IL16: variants seen among roughly 807,000 people sequenced by gnomAD.
IL16 encodes pro-interleukin-16.
IL16 carries 67 observed loss-of-function variants against 110.1 expected under a neutral mutation model. That is an observed-to-expected ratio of 0.61 (90% CI 0.50 to 0.75). IL16 has a LOEUF of 0.75. Among genes scored for constraint, IL16 ranks in the 30% least tolerant of loss-of-function variants. The pLI is 0.00. For synonymous variants in IL16, 689 were observed against 662.9 expected, an observed-to-expected ratio of 1.04 and a Z score of -0.61; for missense variants, 1,545 against 1,655.0, an observed-to-expected ratio of 0.93 and a Z score of 1.15.
intron 5 of IL16, among the ~76,000 whole-genome samples, chr15:81,272,334 C>T (rs952273865): frequency 6.6e-6 from 1 of 152,212 alleles, no homozygotes; most frequent in Non-Finnish European, 1.5e-5. Context: ...GCTGTGCCCA[C>T]CCTCCCTTCT....
At chr15:81,252,599 C>T (rs1450968582) in intron 2 of IL16, among the ~76,000 whole-genome samples, 1 of 151,970 alleles carries the variant, frequency 6.6e-6, no homozygotes, top group Non-Finnish European at 1.5e-5. Context: ...TTTTGTCCCC[C>T]GAAAAAGAAA....
intron 1 of IL16, among the ~76,000 whole-genome samples, chr15:81,219,812 G>C (rs1183555802): frequency 4.6e-5 from 7 of 152,108 alleles, no homozygotes; most frequent in Admixed American, 4.6e-4. Context: ...CATGATGTTG[G>C]TGCAGGAAAA....
chr15:81,279,707 C>T lies in IL16; in HGVS notation c.1014C>T (p.Ser338=), dbSNP rs1899083425. The change falls in exon 8 of 19, where the codon AGC becomes AGT. Residue 338 remains serine, a synonymous_variant. Transcript: ENST00000683961. The part of the protein sequence containing the change: ...TKDSSSFALE[S]PSAPISTAKP... ...ACAGCAGCTCCTTCGCCTTGGAAAG[C>T]CCCTCGGCTCCCATCAGCACCGCCA... The T allele has an allele frequency of 1.2e-6, 2 of 1,614,250 alleles. No homozygotes were observed. Among genetic ancestry groups the T allele is most frequent in the Admixed American group, 3.3e-5 (2 of 60,036 alleles).
intron 8 of IL16, among the ~76,000 whole-genome samples, chr15:81,281,837 C>T (rs1355906410): frequency 6.6e-6 from 1 of 152,246 alleles, no homozygotes; most frequent in African/African-American, 2.4e-5. Context: ...TTCTTTCCAT[C>T]TTCACTGGAG....
chr15:81,277,029 T>TA (rs35578784), intron 6 of IL16, among the ~76,000 whole-genome samples: 28,254 of 144,316 alleles, frequency 0.2, 2,758 homozygotes, highest in Middle Eastern at 0.29. Context: ...CCGGAAACAG[T>TA]AAAAAAAAAA....
chr15:81,292,438 G>C, intron 11 of IL16, 118 bp from the exon 12 acceptor site: 2 of 1,438,954 alleles, frequency 1.4e-6, no homozygotes, highest in Non-Finnish European at 1.9e-6. Context: ...AGTGACTTCA[G>C]ATAAGAAGCA....
intron 9 of IL16, among the ~76,000 whole-genome samples, chr15:81,283,385 G>A (rs1253259764): frequency 6.6e-6 from 1 of 150,554 alleles, no homozygotes; most frequent in Admixed American, 6.6e-5. Flanking sequence ...ACAAAAAAAA[G>A]AGAATGATCT....
chr15:81,307,836 G>A (rs1471274373), intron 18 of IL16, among the ~76,000 whole-genome samples: 1 of 152,184 alleles, frequency 6.6e-6, no homozygotes, highest in Non-Finnish European at 1.5e-5. Context: ...GGTTTCCTCA[G>A]CTGTTAAAAG....
chr15:81,243,164 T>TATATATATATATATA (rs60077602), intron 2 of IL16, among the ~76,000 whole-genome samples: 23 of 15,722 alleles, frequency 1.5e-3, no homozygotes, highest in African/African-American at 2.2e-3. Context: ...TATATATATA[T>TATATATATATATATA]TTTTTTTTTT....
At chr15:81,222,384 T>C (rs1896645838) in intron 1 of IL16, among the ~76,000 whole-genome samples, 1 of 150,884 alleles carries the variant, frequency 6.6e-6, no homozygotes, top group South Asian at 2.1e-4. Context: ...GTTTTTTTTT[T>C]TTTTTTTAAG....
chr15:81,270,855 CT>C (rs1898600374), intron 5 of IL16, among the ~76,000 whole-genome samples: 1 of 152,068 alleles, frequency 6.6e-6, no homozygotes, highest in South Asian at 2.1e-4. Flanking sequence ...TATAGAAATC[CT>C]CATGTACAGA....
At position 81,299,685 on chromosome 15, in the gene IL16, C is replaced by G; in HGVS notation, c.2359C>G (p.Pro787Ala). ...TGTGAAGAAAGGTCCTCCTGTGGCT[C>G]CCAAGCCAGCCTGGTTTCGCCAAAG... The part of the protein sequence containing the change: ...STVKKGPPVA[P>A]KPAWFRQSLK... Residue 787 changes from proline (P) to alanine (A), a missense_variant, in exon 14 of 19, where the codon CCC becomes GCC. Coordinates refer to ENST00000683961, the MANE Select transcript of IL16 (RefSeq NM_172217.5). 1.2e-6 allele frequency: 2 copies of G among 1,614,192 alleles called. No individual in the cohort carries two copies. The highest frequency in any genetic ancestry group is 1.7e-6 in the Non-Finnish European group (2 of 1,180,052).
chr15:81,308,581 C>G (rs1244336672), intron 18 of IL16, 24 bp from the exon 19 acceptor site: 6 of 1,566,734 alleles, frequency 3.8e-6, no homozygotes, highest in Non-Finnish European at 5.2e-6. Flanking sequence ...TCTGTGGAAC[C>G]CATTACCTTC....
chr15:81,306,758 G>C, intron 18 of IL16: 1 of 616,984 alleles, frequency 1.6e-6, no homozygotes, highest in Non-Finnish European at 2.9e-6. Flanking sequence ...GTTTTGATGG[G>C]TCTTCAAAAA....
chr15:81,184,534 CTT>C (rs780473142), intron 1 of IL16, among the ~76,000 whole-genome samples: 74 of 152,202 alleles, frequency 4.9e-4, no homozygotes, highest in Non-Finnish European at 9.3e-4. Context: ...AGGCAACTGT[CTT>C]TGGCTGAAGG....
chr15:81,242,758 A>G (rs542078394), intron 2 of IL16, among the ~76,000 whole-genome samples: 1 of 152,070 alleles, frequency 6.6e-6, no homozygotes, highest in African/African-American at 2.4e-5. Flanking sequence ...ATGTTGAATG[A>G]GAGTGTTGAG....
chr15:81,200,181 A>G (rs958987003), intron 1 of IL16, among the ~76,000 whole-genome samples: 7 of 151,892 alleles, frequency 4.6e-5, no homozygotes, highest in African/African-American at 1.4e-4. Flanking sequence ...GATATTTTAT[A>G]TTATTTTTAT....
chr15:81,313,073 T>A lies in IL16; in HGVS notation c.*4275T>A. On this transcript the variant is annotated 3_prime_UTR_variant, in exon 19 of 19. Transcript: ENST00000683961. ...TGGCTCATCACACGCCAACCCTGAG[T>A]GGGGCAGGAGGCAGGAAGGGTGGGC... is the stretch of plus-strand genomic sequence containing the variant. The A allele has an allele frequency of 1.7e-6, 1 of 580,308 alleles. No homozygotes were observed. Among genetic ancestry groups the A allele is most frequent in the Non-Finnish European group, 2.7e-6 (1 of 372,012 alleles). 35.9% of individuals were successfully genotyped at this position (580,308 alleles called of 1,614,324 possible). A position where few individuals can be genotyped will look rare whatever the true frequency, so the allele number is the denominator to read the frequency against.
chr15:81,253,418 G>A (rs1207420413), intron 2 of IL16, among the ~76,000 whole-genome samples: 2 of 152,080 alleles, frequency 1.3e-5, no homozygotes, highest in Non-Finnish European at 2.9e-5. Flanking sequence ...CTCCATTTCT[G>A]TAGGTTGTTT....
Sources: gnomAD v4.1 joint callset for allele counts (sites outside exome capture counted in the v4.1 genomes callset) on GRCh38, gnomAD v4.1.1 for gene constraint, MANE v1.5 for transcripts, NCBI Gene and HGNC (gene_info 2026-07-23, HGNC 2026-07-21) for gene names.